Variants in RFC1 observed in about 807,000 individuals in gnomAD.
The protein encoded by RFC1 is A1 140 kDa subunit.
RFC1 carries 37 observed loss-of-function variants against 137.4 expected under a neutral mutation model. The ratio of observed to expected loss-of-function variants is 0.27; its 90% CI spans 0.21 to 0.35. The LOEUF (loss-of-function observed/expected upper bound fraction) is 0.35, where lower values mean the gene tolerates loss of function less well. Ranked by LOEUF, RFC1 falls within the 10% of genes least tolerant of loss-of-function variation. RFC1 has a pLI of 1.00. For synonymous variants in RFC1, 429 were observed against 455.7 expected (o/e 0.94, Z 0.75); for missense variants, 1,205 against 1,358.5 (o/e 0.89, Z 1.78).
At chr4:39,302,218 C>A in intron 19 of RFC1, 60 bp downstream of exon 19, 28 of 1,026,132 alleles carry the variant, frequency 2.7e-5, no homozygotes, top group Non-Finnish European at 4.3e-5. Context: ...ATCAAGCTAC[C>A]TACAGAACAA....
intron 4 of RFC1, among the ~76,000 whole-genome samples, chr4:39,331,574 GA>G (rs573893959): frequency 8.6e-5 from 13 of 151,354 alleles, no homozygotes; most frequent in African/African-American, 7.3e-5. Flanking sequence ...TATAATATGG[GA>G]AAAAAAATAA....
intron 12 of RFC1, among the ~76,000 whole-genome samples, chr4:39,311,090 G>A (rs1013667158): frequency 6.6e-5 from 10 of 152,008 alleles, no homozygotes; most frequent in Non-Finnish European, 2.9e-5. Context: ...GCAGTGATCC[G>A]AGATCACACC....
chr4:39,308,027 A>C (rs1324611206), intron 13 of RFC1, among the ~76,000 whole-genome samples: 1 of 152,194 alleles, frequency 6.6e-6, no homozygotes, highest in Non-Finnish European at 1.5e-5. Flanking sequence ...ACGACAAATA[A>C]TACATCATAA....
chr4:39,352,482 CTG>C (rs1389559087), intron 1 of RFC1, among the ~76,000 whole-genome samples: 1 of 152,290 alleles, frequency 6.6e-6, no homozygotes, highest in Middle Eastern at 3.4e-3. Flanking sequence ...GTTTAAGAAA[CTG>C]TGGTATAGAG....
Position 39,323,394 on chromosome 4 carries a change from A to C in RFC1, c.666T>G (p.Asp222Glu), listed in dbSNP as rs781704210. The C allele has an allele frequency of 1.9e-6, 3 of 1,614,056 alleles. No homozygotes were observed. The highest frequency in any genetic ancestry group is 3.3e-5 in the Admixed American group (2 of 60,020). ...TGGCTAATGTTCTGGCAAACTCTTC[A>C]TCTTCATGCAACTGCCTCTCCAGCT... ...DAELERQLHE[D>E]EEFARTLAML... The change falls in exon 7 of 25, where the codon GAT (aspartate) becomes GAG (glutamate). Residue 222 changes from aspartate (D) to glutamate (E), a missense_variant. Transcript: ENST00000349703.
chr4:39,359,762 C>G (rs944875477), intron 1 of RFC1, among the ~76,000 whole-genome samples: 1 of 150,502 alleles, frequency 6.6e-6, no homozygotes, highest in Admixed American at 6.6e-5. Context: ...GCGGACCTTG[C>G]AGTGAGCCAA....
chr4:39,355,382 A>G (rs1255666285), intron 1 of RFC1, among the ~76,000 whole-genome samples: 1 of 151,884 alleles, frequency 6.6e-6, no homozygotes, highest in East Asian at 1.9e-4. Flanking sequence ...GTGAGCCATG[A>G]CCATCACACC....
chr4:39,293,091 G>A (rs1205077768), intron 22 of RFC1, among the ~76,000 whole-genome samples: 1 of 152,132 alleles, frequency 6.6e-6, no homozygotes, highest in Non-Finnish European at 1.5e-5. Flanking sequence ...CTTTTTTCCT[G>A]ATCAGAAATC....
intron 4 of RFC1, among the ~76,000 whole-genome samples, chr4:39,333,074 A>G (rs1740181639): frequency 6.6e-6 from 1 of 152,252 alleles, no homozygotes; most frequent in Admixed American, 6.5e-5. Context: ...CCAGAAGTCT[A>G]GAAAACTAAA....
intron 1 of RFC1, among the ~76,000 whole-genome samples, chr4:39,357,184 GA>G (rs1409025042): frequency 6.6e-6 from 1 of 152,094 alleles, no homozygotes; most frequent in African/African-American, 2.4e-5. Context: ...CACACTGAGG[GA>G]ACAGAAATAG....
chr4:39,357,641 G>C lies in RFC1; in HGVS notation c.4-6165C>G, dbSNP rs139347221. Reference sequence around the variant, plus strand: ...TTTTTTTTTTTTTTCCCTTGAGACAGAGTCTTGCACTGTCGCCCAGGCTGG... The same window carrying C: ...TTTTTTTTTTTTTTCCCTTGAGACACAGTCTTGCACTGTCGCCCAGGCTGG... On this transcript the variant is annotated intron_variant, in intron 1 of 24. Transcript: ENST00000349703. Among the ~76,000 whole-genome samples the C allele has an allele frequency of 8.6e-3, 1,286 of 150,292 alleles. 19 individuals are homozygous for C. The highest frequency in any genetic ancestry group is 0.029 in the African/African-American group (1,164 of 40,838).
intron 4 of RFC1, chr4:39,341,600 T>TA: frequency 2.2e-6 from 1 of 456,266 alleles, no homozygotes. Flanking sequence ...TGCTACTCAA[T>TA]GTGTCAGGCA....
chr4:39,340,872 C>T (rs990338106), intron 4 of RFC1, among the ~76,000 whole-genome samples: 1 of 151,972 alleles, frequency 6.6e-6, no homozygotes, highest in Non-Finnish European at 1.5e-5. Context: ...TACATCATAC[C>T]CCAAGATTTT....
rs1578127067 is a variant in RFC1 at position 39,312,940 on chromosome 4, C to G, written c.1204-9G>C. 2 of 1,585,872 alleles carry G rather than the reference C, an allele frequency of 1.3e-6. No individual in the cohort carries two copies. The highest frequency in any genetic ancestry group is 1.7e-6 in the Non-Finnish European group (2 of 1,163,096). On this transcript the variant is annotated splice_polypyrimidine_tract_variant and intron_variant, in intron 10 of 24. Coordinates refer to ENST00000349703, the MANE Select transcript of RFC1 (RefSeq NM_002913.5). ...AAGCAATTTTCAGCTCCCTAAAAACCAAAATGTTCAAGCAGAGAGGAAATT... is the reference window on the plus strand; with the variant it reads ...AAGCAATTTTCAGCTCCCTAAAAACGAAAATGTTCAAGCAGAGAGGAAATT...
intron 12 of RFC1, among the ~76,000 whole-genome samples, chr4:39,309,895 C>T (rs1738882580): frequency 1.3e-5 from 2 of 152,100 alleles, no homozygotes; most frequent in South Asian, 4.1e-4. Context: ...TGTTTAAGGA[C>T]AAACAGGATA....
At position 39,351,425 on chromosome 4, in the gene RFC1, C is replaced by G; in HGVS notation, c.55G>C (p.Glu19Gln). 6.3e-7 allele frequency: 1 copy of G among 1,579,446 alleles called. No individual in the cohort carries two copies. Residue 19 changes from glutamate (E) to glutamine (Q), a missense_variant, in exon 2 of 25, where the codon GAA (glutamate) becomes CAA (glutamine). This residue lies in a region of RFC1 where 962 missense variants were observed against 1,035.3 expected (regional missense o/e 0.93). Coordinates refer to ENST00000349703, the MANE Select transcript of RFC1 (RefSeq NM_002913.5). ...VIPSGKKLVS[E>Q]TVKKNEKTKS... ...GTTTTCTCATTCTTCTTTACTGTTTCACTTACAAGTTTCTTTCCACTTGGT... is the reference window on the plus strand; with the variant it reads ...GTTTTCTCATTCTTCTTTACTGTTTGACTTACAAGTTTCTTTCCACTTGGT...
Position 39,291,847 on chromosome 4 carries a change from T to G in RFC1, c.2960A>C (p.Tyr987Ser). 6.2e-7 allele frequency: 1 copy of G among 1,613,416 alleles called. No homozygotes were observed. The highest frequency in any genetic ancestry group is 8.5e-7 in the Non-Finnish European group (1 of 1,179,376). The change falls in exon 23 of 25, where the codon TAC (tyrosine) becomes TCC (serine). Residue 987 changes from tyrosine (Y) to serine (S), a missense_variant. Physicochemically the swap from Tyr to Ser is moderately radical, Grantham distance 144. Coordinates refer to ENST00000349703, the MANE Select transcript of RFC1 (RefSeq NM_002913.5). ...CATGTTTACAGTCCTTTTGCTGGAG[T>G]AAGTTCTGAAACCACAACAAAAGAG... Reference protein sequence around the residue: ...DLALHMSLRTYSSKRTVNMDY... With the variant: ...DLALHMSLRTSSSKRTVNMDY...
intron 1 of RFC1, among the ~76,000 whole-genome samples, chr4:39,363,406 A>T (rs2109786894): frequency 6.6e-6 from 1 of 152,342 alleles, no homozygotes; most frequent in South Asian, 2.1e-4. Flanking sequence ...GTATCTTTCC[A>T]GAGAAATTTT....
intron 3 of RFC1, among the ~76,000 whole-genome samples, chr4:39,343,458 C>T (rs1740700401): frequency 1.3e-5 from 2 of 152,190 alleles, no homozygotes; most frequent in African/African-American, 4.8e-5. Context: ...GGGCATTATT[C>T]TGTCTACCAC....
Sources: allele counts gnomAD v4.1 joint callset (sites outside exome capture counted in the v4.1 genomes callset), GRCh38; gene constraint gnomAD v4.1.1; regional missense constraint gnomAD v4.1.1; transcripts MANE v1.5; gene names NCBI Gene and HGNC (gene_info 2026-07-23, HGNC 2026-07-21).